The following SLC25A48 variants were observed in gnomAD, a reference collection of about 807,000 sequenced individuals.
SLC25A48 encodes the protein solute carrier family 25 member 48.
A neutral mutation model predicts 32.2 loss-of-function variants in SLC25A48; 29 were observed. The ratio of observed to expected loss-of-function variants is 0.90; its 90% confidence interval spans 0.67 to 1.23. The LOEUF (loss-of-function observed/expected upper bound fraction) is 1.23, where lower values mean the gene tolerates loss of function less well. Ranked by LOEUF, SLC25A48 falls within the 50% of genes most tolerant of loss-of-function variation. SLC25A48 has a pLI of 0.00. For missense variants in SLC25A48, 399 were observed against 422.7 expected (o/e 0.94, Z 0.49); for synonymous variants, 164 against 172.3 (o/e 0.95, Z 0.38).
intron 4 of SLC25A48, among the ~76,000 whole-genome samples, chr5:135,860,027 C>G (rs1257573728): frequency 6.6e-6 from 1 of 152,160 alleles, no homozygotes. Context: ...TCCCTCTAGC[C>G]TGTTGACCTC....
Position 135,739,789 on chromosome 5 carries a change from T to C in SLC25A48, c.-520-72734T>C, listed in dbSNP as rs143036662. 8.9e-3 allele frequency among the ~76,000 whole-genome samples: 1,354 copies of C among 152,312 alleles called. 24 individuals carry two copies. The highest frequency in any genetic ancestry group is 0.031 in the African/African-American group (1,279 of 41,560). On this transcript the variant is annotated intron_variant, in intron 3 of 10. Transcript: ENST00000646290. The stretch of plus-strand genomic sequence containing the variant: ...TCCTAAATGCTGACTTCTTTTTTTT[T>C]TTAAACTACCACTGCATAAAGAAAA...
At position 135,871,497 on chromosome 5, in the gene SLC25A48, C is replaced by T. The variant is rs377170548; in HGVS notation, c.458C>T (p.Ala153Val). The T allele has an allele frequency of 7.3e-5, 118 of 1,606,466 alleles. No individual in the cohort carries two copies. Among genetic ancestry groups the T allele is most frequent in the African/African-American group, 4.7e-4 (35 of 74,928 alleles). Residue 153 changes from alanine (A) to valine (V), a missense_variant, in exon 5 of 8, where the codon GCG (alanine) becomes GTG (valine). By Grantham distance (64) the Ala-to-Val change is moderately conservative. Transcript: ENST00000681962. ...LGLKSRAVAP[A>V]EQPAYQGPVH... ...TTGAAGTCCAGGGCAGTGGCTCCTGCGGAGCAGCCAGCATACCAGGGGCCA... is the reference window on the plus strand; with the variant it reads ...TTGAAGTCCAGGGCAGTGGCTCCTGTGGAGCAGCCAGCATACCAGGGGCCA...
chr5:135,661,808 C>T (rs557520566), intron 3 of SLC25A48, among the ~76,000 whole-genome samples: 2 of 152,186 alleles, frequency 1.3e-5, no homozygotes, highest in South Asian at 2.1e-4. Context: ...ACCGTATTAA[C>T]CTGGGGATCT....
chr5:135,850,777 T>G (rs1561532340), intron 3 of SLC25A48, among the ~76,000 whole-genome samples: 1 of 152,214 alleles, frequency 6.6e-6, no homozygotes, highest in Non-Finnish European at 1.5e-5. Context: ...GGAAAATTCC[T>G]GCAAAAACAA....
chr5:135,713,079 A>G (rs1428783616), intron 3 of SLC25A48, among the ~76,000 whole-genome samples: 2 of 152,186 alleles, frequency 1.3e-5, no homozygotes, highest in African/African-American at 2.4e-5. Context: ...GCATTAACCT[A>G]AGAACTTGCT....
chr5:135,729,083 C>A (rs947191017), intron 3 of SLC25A48, among the ~76,000 whole-genome samples: 2 of 152,136 alleles, frequency 1.3e-5, no homozygotes, highest in African/African-American at 2.4e-5. Flanking sequence ...CCCCATACCC[C>A]TTCCATGTGC....
intron 3 of SLC25A48, among the ~76,000 whole-genome samples, chr5:135,731,990 C>G (rs1394527227): frequency 1.3e-5 from 2 of 152,210 alleles, no homozygotes; most frequent in Non-Finnish European, 2.9e-5. Context: ...GGGTGCAGTC[C>G]AAGTTGGGCT....
intron 1 of SLC25A48, among the ~76,000 whole-genome samples, chr5:135,607,361 G>GCATGCATGTGCCCATGCATA (rs1277461403): frequency 6.6e-6 from 1 of 152,188 alleles, no homozygotes; most frequent in African/African-American, 2.4e-5. Flanking sequence ...TTCCATGCAT[G>GCATGCATGTGCCCATGCATA]CATGCATGTG....
At chr5:135,676,658 G>T (rs1460262243) in intron 3 of SLC25A48, among the ~76,000 whole-genome samples, 1 of 151,914 alleles carries the variant, frequency 6.6e-6, no homozygotes, top group Non-Finnish European at 1.5e-5. Flanking sequence ...GGTATGTTGT[G>T]TTTCAATTGT....
intron 3 of SLC25A48, among the ~76,000 whole-genome samples, chr5:135,763,335 C>A (rs1756109783): frequency 6.6e-6 from 1 of 152,090 alleles, no homozygotes; most frequent in African/African-American, 2.4e-5. Context: ...TTTTGAGCCC[C>A]TGCCATGGCA....
At chr5:135,650,923 C>A (rs988653115) in intron 3 of SLC25A48, among the ~76,000 whole-genome samples, 3 of 152,152 alleles carry the variant, frequency 2.0e-5, no homozygotes, top group African/African-American at 4.8e-5. Context: ...ATATGTTGGC[C>A]TACTCCCTGC....
intron 1 of SLC25A48, among the ~76,000 whole-genome samples, chr5:135,580,640 G>A (rs1751211109): frequency 6.6e-6 from 1 of 151,796 alleles, no homozygotes. Context: ...TGAGTATGAG[G>A]GAGTGACTTT....
chr5:135,604,526 T>C (rs561693756), intron 1 of SLC25A48, among the ~76,000 whole-genome samples: 1 of 152,340 alleles, frequency 6.6e-6, no homozygotes, highest in African/African-American at 2.4e-5. Flanking sequence ...CTTGCTCTTT[T>C]GATGGTTATT....
chr5:135,795,189 A>C (rs760153681), intron 3 of SLC25A48, among the ~76,000 whole-genome samples: 4 of 151,536 alleles, frequency 2.6e-5, no homozygotes, highest in Non-Finnish European at 1.5e-5. Flanking sequence ...TACACCCACC[A>C]TGTGGTATTA....
At chr5:135,761,284 G>A (rs1023436121) in intron 3 of SLC25A48, among the ~76,000 whole-genome samples, 10 of 152,286 alleles carry the variant, frequency 6.6e-5, no homozygotes, top group African/African-American at 2.2e-4. Context: ...CTGAACTCCA[G>A]CCTGGATGAC....
intron 1 of SLC25A48, among the ~76,000 whole-genome samples, chr5:135,596,617 G>C (rs188376736): frequency 2.0e-5 from 3 of 152,156 alleles, no homozygotes; most frequent in African/African-American, 7.2e-5. Context: ...TCAGTTGTCC[G>C]TGGGGCTGCT....
chr5:135,812,310 C>A (rs1757608463), intron 3 of SLC25A48, among the ~76,000 whole-genome samples: 1 of 152,124 alleles, frequency 6.6e-6, no homozygotes. Context: ...CTTTGTGTTA[C>A]AAACACTCCC....
chr5:135,603,297 C>T (rs1409387034), intron 1 of SLC25A48, among the ~76,000 whole-genome samples: 3 of 152,262 alleles, frequency 2.0e-5, no homozygotes, highest in Admixed American at 2.0e-4. Context: ...CCAAACCCTG[C>T]ACCTGCACCC....
At chr5:135,598,023 AAAACAAAC>A (rs537451781) in intron 1 of SLC25A48, among the ~76,000 whole-genome samples, 12 of 146,974 alleles carry the variant, frequency 8.2e-5, no homozygotes, top group African/African-American at 2.4e-4. Flanking sequence ...ATCAAACCAA[AAAACAAAC>A]AAACAAACAA....
Sources: gnomAD v4.1 joint callset for allele counts (sites outside exome capture counted in the v4.1 genomes callset) on GRCh38, gnomAD v4.1.1 for gene constraint, MANE v1.5 for transcripts, NCBI Gene and HGNC (gene_info 2026-07-23, HGNC 2026-07-21) for gene names.